Variants in GLB1 observed in about 807,000 individuals in gnomAD.
GLB1 encodes the protein galactosidase beta 1.
GLB1 carries 56 observed loss-of-function variants against 74.0 expected under a neutral mutation model. That is an observed-to-expected ratio of 0.76 (90% CI 0.61 to 0.94). GLB1 has a LOEUF of 0.94. Among genes scored for constraint, GLB1 ranks in the 40% least tolerant of loss-of-function variants. The pLI, the probability that GLB1 is intolerant of heterozygous loss-of-function variation, is 0.00. For missense variants in GLB1, 787 were observed against 845.5 expected, an observed-to-expected ratio of 0.93 and a Z score of 0.86; for synonymous variants, 323 against 323.6, an observed-to-expected ratio of 1.00 and a Z score of 0.02.
rs765469083 is a variant in GLB1 at position 33,093,035 on chromosome 3, G to A, written c.75+3976C>T. 2.4e-5 allele frequency: 38 copies of A among 1,614,122 alleles called. No homozygotes were observed. The highest frequency in any genetic ancestry group is 2.6e-5 in the Non-Finnish European group (31 of 1,180,052). The stretch of plus-strand genomic sequence containing the variant: ...GCCCAGCATGTGTGTGCCCAGAAAG[G>A]ATCAGGTTAATATCTGGCCGAGCCT... On this transcript the variant is annotated intron_variant, in intron 1 of 15. Coordinates refer to ENST00000307363, the MANE Select transcript of GLB1 (RefSeq NM_000404.4). This position sits in a 1 kb window ranked among gnomAD's most constrained non-coding sequence, Gnocchi z 6.0.
At chr3:33,056,292 G>A (rs1426117190) in intron 6 of GLB1, among the ~76,000 whole-genome samples, 1 of 139,412 alleles carries the variant, frequency 7.2e-6, no homozygotes, top group East Asian at 2.2e-4. Flanking sequence ...TCAGTCTTCT[G>A]TACATCCCTC....
intron 1 of GLB1, chr3:33,094,420 C>G: frequency 2.5e-6 from 3 of 1,206,362 alleles, no homozygotes; most frequent in Non-Finnish European, 3.2e-6. Context: ...TACTCAAATA[C>G]CAGTCAGTTG....
At chr3:33,092,152 G>C (rs532024317) in intron 1 of GLB1, 1 of 985,582 alleles carries the variant, frequency 1.0e-6, no homozygotes, top group Non-Finnish European at 1.2e-6. Flanking sequence ...GGCGCCCACC[G>C]TTCTTCTCCC....
chr3:32,980,131 AC>A, the GLB1 span, among the ~76,000 whole-genome samples: 1 of 152,152 alleles, frequency 6.6e-6, no homozygotes. Context: ...ACTATAGTCA[AC>A]CTACTGTGCA....
At chr3:32,976,698 G>C in the GLB1 span, among the ~76,000 whole-genome samples, 1 of 152,084 alleles carries the variant, frequency 6.6e-6, no homozygotes, top group Non-Finnish European at 1.5e-5. Flanking sequence ...TGCTTCTTAG[G>C]GCCCCTTCCT....
chr3:32,985,108 A>G, the GLB1 span, among the ~76,000 whole-genome samples: 28 of 145,176 alleles, frequency 1.9e-4, no homozygotes, highest in African/African-American at 7.2e-4. Flanking sequence ...CTGTCTCAAA[A>G]AAAAAAAAAA....
intron 4 of GLB1, among the ~76,000 whole-genome samples, chr3:33,067,064 G>A (rs1256056368): frequency 2.0e-5 from 3 of 149,236 alleles, no homozygotes; most frequent in African/African-American, 7.4e-5. Flanking sequence ...ATGCAATGGC[G>A]CAATCTGGGC....
chr3:33,003,567 G>A (rs1274900072), intron 15 of GLB1, among the ~76,000 whole-genome samples: 1 of 152,228 alleles, frequency 6.6e-6, no homozygotes, highest in African/African-American at 2.4e-5. Context: ...TGGAAACAGT[G>A]AATTAGACGG....
the GLB1 span, among the ~76,000 whole-genome samples, chr3:32,985,383 C>G: frequency 6.6e-6 from 1 of 151,884 alleles, no homozygotes; most frequent in African/African-American, 2.4e-5. Flanking sequence ...CTCTGCCTCC[C>G]GGGTTCAAGC....
At chr3:33,025,825 C>G (rs965100834) in intron 10 of GLB1, among the ~76,000 whole-genome samples, 1 of 152,170 alleles carries the variant, frequency 6.6e-6, no homozygotes, top group African/African-American at 2.4e-5. Context: ...CTGACTGTGC[C>G]GTCCCCAGCC....
At chr3:32,993,522 ATT>A (rs746774682), downstream of GLB1, among the ~76,000 whole-genome samples, 631 of 62,174 alleles carry the variant, frequency 0.01, no homozygotes, top group Middle Eastern at 0.018. Flanking sequence ...CATCCAGCTA[ATT>A]TTTTTTTTTT....
At chr3:32,990,090 C>T in the GLB1 span, among the ~76,000 whole-genome samples, 2 of 152,200 alleles carry the variant, frequency 1.3e-5, no homozygotes, top group South Asian at 2.1e-4. Context: ...ATCTCTCCTG[C>T]CTCATCTCTG....
At chr3:32,999,742 C>G (rs1231881640) in intron 15 of GLB1, among the ~76,000 whole-genome samples, 2 of 152,192 alleles carry the variant, frequency 1.3e-5, no homozygotes, top group East Asian at 3.9e-4. Context: ...CCTCCACCTC[C>G]CAAGTTCAAG....
rs552528885 is a variant in GLB1 at position 33,057,937 on chromosome 3, G to A, written c.733+152C>T. Reference sequence around the variant, plus strand: ...TACAGATAACCCTCTGTTACTGAGGGGTGCAAGTATTCTATTCTACCTGTT... The same window carrying A: ...TACAGATAACCCTCTGTTACTGAGGAGTGCAAGTATTCTATTCTACCTGTT... On this transcript the variant is annotated intron_variant, in intron 6 of 15. Transcript: ENST00000307363. The A allele has an allele frequency of 4.9e-6, 5 of 1,019,572 alleles. No homozygotes were observed. In the African/African-American group the frequency reaches 6.5e-5, roughly 13 times the overall value. 63.2% of individuals were successfully genotyped at this position (1,019,572 alleles called of 1,614,324 possible). A position where few individuals can be genotyped will look rare whatever the true frequency, so the allele number is the denominator to read the frequency against.
intron 12 of GLB1, among the ~76,000 whole-genome samples, chr3:33,020,191 T>C (rs1374768972): frequency 1.3e-5 from 2 of 152,076 alleles, no homozygotes; most frequent in Non-Finnish European, 2.9e-5. Flanking sequence ...GTGTGTGTGG[T>C]GGGGGGACTT....
intron 3 of GLB1, 138 bp from the exon 4 acceptor site, chr3:33,068,428 T>G: frequency 8.3e-7 from 1 of 1,204,078 alleles, no homozygotes; most frequent in Non-Finnish European, 1.1e-6. Context: ...CTTTTTGGTT[T>G]ATAACTTGCA....
rs1213717519 is a variant in GLB1, at chr3:32,997,024, C to G, written c.*21G>C. 1 of 1,614,016 alleles carries G rather than the reference C, an allele frequency of 6.2e-7. No homozygotes were observed. Reference sequence around the variant, plus strand: ...GAGGTATGTTCAGGGTAGAATCCCTCAAAGACACAGGCTTTCATCATCATA... The same window carrying G: ...GAGGTATGTTCAGGGTAGAATCCCTGAAAGACACAGGCTTTCATCATCATA... On this transcript the variant is annotated 3_prime_UTR_variant, in exon 16 of 16. Transcript: ENST00000307363.
intron 4 of GLB1, among the ~76,000 whole-genome samples, chr3:33,066,783 T>C (rs1699700503): frequency 1.3e-5 from 2 of 152,154 alleles, no homozygotes; most frequent in African/African-American, 4.8e-5. Flanking sequence ...ATAATAAATG[T>C]ACATGCCACA....
chr3:33,094,379 T>G, intron 1 of GLB1: 1 of 1,369,364 alleles, frequency 7.3e-7, no homozygotes, highest in Admixed American at 3.3e-5. Context: ...AAAGGCCACT[T>G]ACATCTGCCC....
Sources: allele counts gnomAD v4.1 joint callset (sites outside exome capture counted in the v4.1 genomes callset), GRCh38; gene constraint gnomAD v4.1.1; non-coding constraint Gnocchi (gnomAD v3.1); transcripts MANE v1.5; gene names NCBI Gene and HGNC (gene_info 2026-07-23, HGNC 2026-07-21).